Variants in AGBL4 observed in about 807,000 individuals in gnomAD.
AGBL4 encodes AGBL carboxypeptidase 4, also known as cytosolic carboxypeptidase 6.
In AGBL4, 58 loss-of-function variants were observed where a neutral mutation model predicts 66.4. That is an observed-to-expected ratio of 0.87 (90% CI 0.71 to 1.09). AGBL4 has a LOEUF of 1.09. Ranked by LOEUF, AGBL4 falls within the 50% of genes least tolerant of loss-of-function variation. AGBL4 has a pLI of 0.00. For synonymous variants in AGBL4, 234 were observed against 222.9 expected, an observed-to-expected ratio of 1.05 and a Z score of -0.44; for missense variants, 579 against 631.0, an observed-to-expected ratio of 0.92 and a Z score of 0.88.
chr1:48,950,261 T>C (rs1656860320), intron 5 of AGBL4, among the ~76,000 whole-genome samples: 1 of 152,010 alleles, frequency 6.6e-6, no homozygotes, highest in Admixed American at 6.6e-5. Flanking sequence ...CACACCTGGC[T>C]AACTTTTTGT....
intron 11 of AGBL4, among the ~76,000 whole-genome samples, chr1:48,560,531 G>C (rs1038672956): frequency 6.6e-6 from 1 of 152,120 alleles, no homozygotes; most frequent in Non-Finnish European, 1.5e-5. Flanking sequence ...AGAGAAATCT[G>C]GCTCTAGATC....
At chr1:49,304,221 T>C (rs1429637187) in intron 3 of AGBL4, among the ~76,000 whole-genome samples, 1 of 152,182 alleles carries the variant, frequency 6.6e-6, no homozygotes, top group Non-Finnish European at 1.5e-5. Flanking sequence ...CCCAGCACCA[T>C]TTATTAAATA....
intron 3 of AGBL4, among the ~76,000 whole-genome samples, chr1:49,277,254 A>T (rs1644185439): frequency 6.6e-6 from 1 of 152,184 alleles, no homozygotes; most frequent in African/African-American, 2.4e-5. Flanking sequence ...GAATTTGATC[A>T]TACTAACATA....
At chr1:48,907,775 G>A (rs1169604663) in intron 5 of AGBL4, among the ~76,000 whole-genome samples, 1 of 152,148 alleles carries the variant, frequency 6.6e-6, no homozygotes, top group Non-Finnish European at 1.5e-5. Context: ...AGTTGGGGAT[G>A]CACTGTGATA....
chr1:49,384,357 G>A (rs944191948), intron 3 of AGBL4, among the ~76,000 whole-genome samples: 19 of 151,852 alleles, frequency 1.3e-4, no homozygotes, highest in African/African-American at 4.1e-4. Flanking sequence ...ATTTTGGGAG[G>A]TCGAGGCGGG....
At chr1:49,295,745 G>C (rs577857918) in intron 3 of AGBL4, among the ~76,000 whole-genome samples, 173 of 152,094 alleles carry the variant, frequency 1.1e-3, no homozygotes, top group Non-Finnish European at 1.6e-3. Context: ...GTAGCACTTT[G>C]TCTCTTTAGT....
At chr1:49,097,806 C>T (rs1441494110) in intron 4 of AGBL4, among the ~76,000 whole-genome samples, 3 of 152,232 alleles carry the variant, frequency 2.0e-5, no homozygotes, top group Non-Finnish European at 4.4e-5. Context: ...GTCTGAAGCT[C>T]TTGGCCTCAA....
chr1:49,866,515 G>T (rs1379858500), intron 1 of AGBL4, among the ~76,000 whole-genome samples: 1 of 152,136 alleles, frequency 6.6e-6, no homozygotes, highest in Non-Finnish European at 1.5e-5. Flanking sequence ...TGTAATCCCA[G>T]CACTTTGGGA....
chr1:48,919,169 G>A (rs898180228), intron 5 of AGBL4, among the ~76,000 whole-genome samples: 1 of 152,178 alleles, frequency 6.6e-6, no homozygotes, highest in Non-Finnish European at 1.5e-5. Flanking sequence ...TGGTCTAAAA[G>A]TGTCTGTAGG....
chr1:49,107,709 G>C (rs981901354), intron 4 of AGBL4, among the ~76,000 whole-genome samples: 7 of 147,904 alleles, frequency 4.7e-5, no homozygotes, highest in Non-Finnish European at 9.1e-5. Context: ...GAGAGAGAGA[G>C]AGAGAGAGAG....
intron 2 of AGBL4, among the ~76,000 whole-genome samples, chr1:49,832,361 G>A (rs1645713250): frequency 6.7e-6 from 1 of 150,374 alleles, no homozygotes; most frequent in Non-Finnish European, 1.5e-5. Flanking sequence ...ATTCCATGGT[G>A]TATATGTGCC....
In AGBL4 at chr1:48,596,681, G is replaced by A. The variant is rs189419669; in HGVS notation, c.952-5696C>T. Reference sequence around the variant, plus strand: ...TATAGTCTGGAACTCCTGGGCTCAAGCAATTCTCCTGCCTCAGGCTCCCAA... The same window carrying A: ...TATAGTCTGGAACTCCTGGGCTCAAACAATTCTCCTGCCTCAGGCTCCCAA... On this transcript the variant is annotated intron_variant, in intron 9 of 13. Transcript: ENST00000371839. Among the ~76,000 whole-genome samples, 268 of 152,242 alleles carry A rather than the reference G, an allele frequency of 1.8e-3. 4 individuals carry two copies. Among genetic ancestry groups the A allele is most frequent in the African/African-American group, 6.1e-3 (255 of 41,544 alleles).
At chr1:49,170,624 C>T (rs2148162542) in intron 4 of AGBL4, among the ~76,000 whole-genome samples, 1 of 146,808 alleles carries the variant, frequency 6.8e-6, no homozygotes, top group South Asian at 2.1e-4. Flanking sequence ...TGTATATATT[C>T]ATTAATACAC....
At chr1:48,576,448 A>C (rs1206360131) in intron 11 of AGBL4, among the ~76,000 whole-genome samples, 1 of 152,160 alleles carries the variant, frequency 6.6e-6, no homozygotes, top group Non-Finnish European at 1.5e-5. Context: ...TAGCCCCTAA[A>C]TGTCTTCTTG....
At chr1:48,783,142 G>A (rs891515185) in intron 6 of AGBL4, among the ~76,000 whole-genome samples, 27 of 152,220 alleles carry the variant, frequency 1.8e-4, no homozygotes, top group African/African-American at 6.5e-4. Context: ...GTAATTTGCT[G>A]TGCTGCAAGC....
chr1:49,783,390 C>T (rs762073300), intron 2 of AGBL4, among the ~76,000 whole-genome samples: 22 of 151,926 alleles, frequency 1.4e-4, no homozygotes, highest in Non-Finnish European at 2.2e-4. Flanking sequence ...TAATATACCA[C>T]AGTAATAGGG....
At chr1:49,871,045 T>G (rs1043791406) in intron 1 of AGBL4, among the ~76,000 whole-genome samples, 1 of 152,046 alleles carries the variant, frequency 6.6e-6, no homozygotes, top group Non-Finnish European at 1.5e-5. Context: ...GGGACTATCA[T>G]GGAAGAGGCG....
At chr1:49,690,823 T>C (rs1012186077) in intron 3 of AGBL4, among the ~76,000 whole-genome samples, 2 of 152,198 alleles carry the variant, frequency 1.3e-5, no homozygotes, top group Non-Finnish European at 2.9e-5. Flanking sequence ...TTTAGTGTTT[T>C]ATTTGCATCA....
In AGBL4 at chr1:49,882,061, C is replaced by T. The variant is rs1358931604; in HGVS notation, c.35-30543G>A. 6.6e-5 allele frequency among the ~76,000 whole-genome samples: 10 copies of T among 152,030 alleles called. No individual in the cohort carries two copies. The East Asian group carries it at 9.7e-4, about 15-fold the overall frequency. On this transcript the variant is annotated intron_variant, in intron 1 of 13. Coordinates refer to ENST00000371839, the MANE Select transcript of AGBL4 (RefSeq NM_032785.4). Reference sequence around the variant, plus strand: ...CTTTAATCCATCTTGAATTGATTTTCATATAAGGTGTAAGGAAGGGATCCA... The same window carrying T: ...CTTTAATCCATCTTGAATTGATTTTTATATAAGGTGTAAGGAAGGGATCCA...
Sources: allele counts gnomAD v4.1 joint callset (sites outside exome capture counted in the v4.1 genomes callset), GRCh38; gene constraint gnomAD v4.1.1; transcripts MANE v1.5; gene names NCBI Gene and HGNC (gene_info 2026-07-23, HGNC 2026-07-21).